PLEKHG1: variants seen among roughly 807,000 people sequenced by gnomAD.
PLEKHG1 encodes the protein pleckstrin homology and RhoGEF domain containing G1, also known as pleckstrin homology domain-containing family G member 1.
In PLEKHG1, 44 loss-of-function variants were observed where a neutral mutation model predicts 100.8. The ratio of observed to expected loss-of-function variants is 0.44; its 90% CI spans 0.34 to 0.56. PLEKHG1 has a LOEUF of 0.56. PLEKHG1 is among the 20% of genes least tolerant of loss of function. The pLI is 0.01. For missense variants in PLEKHG1, 1,545 were observed against 1,720.9 expected, an observed-to-expected ratio of 0.90 and a Z score of 1.81; for synonymous variants, 640 against 662.5, an observed-to-expected ratio of 0.97 and a Z score of 0.52.
At chr6:150,745,288 T>A (rs528243201) in intron 2 of PLEKHG1, among the ~76,000 whole-genome samples, 2 of 152,342 alleles carry the variant, frequency 1.3e-5, no homozygotes, top group South Asian at 4.1e-4. Flanking sequence ...AAATGCAGTA[T>A]TATAATCACA....
At chr6:150,629,790 A>G (rs1777669822) in intron 1 of PLEKHG1, among the ~76,000 whole-genome samples, 1 of 152,192 alleles carries the variant, frequency 6.6e-6, no homozygotes, top group South Asian at 2.1e-4. Context: ...TCTATACTTC[A>G]TAGATTTTCT....
chr6:150,599,951 C>T (rs981145493), exon 1 of PLEKHG1: 5 of 221,612 alleles, frequency 2.3e-5, no homozygotes, highest in African/African-American at 9.5e-5. Context: ...GCCGGCGCAG[C>T]GCAGCCCGCA....
chr6:150,608,082 T>C (rs1278415268), intron 1 of PLEKHG1, among the ~76,000 whole-genome samples: 2 of 152,150 alleles, frequency 1.3e-5, no homozygotes, highest in Non-Finnish European at 2.9e-5. Context: ...AGGAAAGAAA[T>C]GTGAAGATAA....
rs559192585 is a variant in PLEKHG1 at position 150,681,855 on chromosome 6, C to T, written c.-99+31069C>T. Among the ~76,000 whole-genome samples, 33 of 152,246 alleles carry T rather than the reference C, an allele frequency of 2.2e-4. 1 individual carries two copies. The highest frequency in any genetic ancestry group is 3.4e-4 in the African/African-American group (14 of 41,548). On this transcript the variant is annotated intron_variant, in intron 3 of 3. Transcript: ENST00000367326. The stretch of plus-strand genomic sequence containing the variant: ...CTCAATTTCTTTTTGGCCTTGAGTA[C>T]AGAATGGAATTTGCAGCCGCTGATG...
At chr6:150,738,539 A>G (rs572185395) in intron 2 of PLEKHG1, among the ~76,000 whole-genome samples, 2 of 152,278 alleles carry the variant, frequency 1.3e-5, no homozygotes, top group East Asian at 1.9e-4. Flanking sequence ...ATGTGGAGAC[A>G]TCGTATTAAA....
At chr6:150,745,823 C>T (rs1783131541) in intron 2 of PLEKHG1, among the ~76,000 whole-genome samples, 1 of 151,910 alleles carries the variant, frequency 6.6e-6, no homozygotes, top group Non-Finnish European at 1.5e-5. Flanking sequence ...TTAAGACATA[C>T]ATACATGCTA....
chr6:150,701,467 A>ATATAT (rs58601257), intron 3 of PLEKHG1, among the ~76,000 whole-genome samples: 4 of 79,090 alleles, frequency 5.1e-5, no homozygotes, highest in African/African-American at 1.3e-4. Flanking sequence ...ATATATATAT[A>ATATAT]ATTATACTTT....
chr6:150,835,421 C>A (rs560550117), intron 15 of PLEKHG1, among the ~76,000 whole-genome samples: 1 of 152,158 alleles, frequency 6.6e-6, no homozygotes, highest in South Asian at 2.1e-4. Flanking sequence ...TATTTTAATC[C>A]TCTGTCTGGA....
intron 4 of PLEKHG1, among the ~76,000 whole-genome samples, chr6:150,792,422 C>G (rs919334202): frequency 2.0e-5 from 3 of 150,652 alleles, no homozygotes; most frequent in Non-Finnish European, 4.4e-5. Flanking sequence ...ACCTGTAATC[C>G]CAACACTCTG....
At chr6:150,804,173 ATATT>A (rs1786890098) in intron 6 of PLEKHG1, among the ~76,000 whole-genome samples, 1 of 35,008 alleles carries the variant, frequency 2.9e-5, no homozygotes, top group African/African-American at 8.6e-5. Flanking sequence ...ATATATATAT[ATATT>A]TTTTTTTTTT....
intron 6 of PLEKHG1, among the ~76,000 whole-genome samples, chr6:150,801,854 G>A (rs1239649836): frequency 1.3e-5 from 2 of 151,360 alleles, no homozygotes; most frequent in African/African-American, 4.9e-5. Context: ...GCAGGAGAAA[G>A]ACAGTACAGC....
chr6:150,626,710 C>A (rs549444128), intron 1 of PLEKHG1, among the ~76,000 whole-genome samples: 51 of 152,258 alleles, frequency 3.3e-4, no homozygotes, highest in African/African-American at 1.1e-3. Flanking sequence ...CTCAAAGGCA[C>A]ACAAGCAATT....
chr6:150,669,028 A>G, intron 3 of PLEKHG1, among the ~76,000 whole-genome samples: 1 of 152,216 alleles, frequency 6.6e-6, no homozygotes, highest in East Asian at 1.9e-4. Flanking sequence ...CAGTTTAACT[A>G]GGGCCTTTTT....
At chr6:150,666,853 C>T (rs959443059) in intron 3 of PLEKHG1, among the ~76,000 whole-genome samples, 2 of 151,914 alleles carry the variant, frequency 1.3e-5, no homozygotes, top group Non-Finnish European at 2.9e-5. Context: ...CTCCGCCTCC[C>T]GGGTTCACAC....
At chr6:150,671,098 T>C (rs6916341) in intron 3 of PLEKHG1, among the ~76,000 whole-genome samples, 8 of 119,216 alleles carry the variant, frequency 6.7e-5, no homozygotes, top group African/African-American at 3.5e-4. Context: ...CATATATATA[T>C]ATATATATAT....
intron 1 of PLEKHG1, among the ~76,000 whole-genome samples, chr6:150,614,291 C>T (rs577559245): frequency 3.5e-4 from 54 of 152,184 alleles, no homozygotes; most frequent in Non-Finnish European, 6.8e-4. Flanking sequence ...CACCTCTCCT[C>T]CCCTTCTTGA....
At chr6:150,701,977 G>A (rs888133331) in intron 3 of PLEKHG1, among the ~76,000 whole-genome samples, 2 of 152,266 alleles carry the variant, frequency 1.3e-5, no homozygotes, top group South Asian at 2.1e-4. Context: ...GACTGAGATC[G>A]ACTGAAGTTA....
At chr6:150,619,733 T>A (rs1248566777) in intron 1 of PLEKHG1, among the ~76,000 whole-genome samples, 1 of 152,174 alleles carries the variant, frequency 6.6e-6, no homozygotes, top group Non-Finnish European at 1.5e-5. Flanking sequence ...CTTTAGCCAG[T>A]CATAAAAGAA....
At chr6:150,716,552 C>G (rs904066076), upstream of PLEKHG1, among the ~76,000 whole-genome samples, 1 of 152,166 alleles carries the variant, frequency 6.6e-6, no homozygotes, top group Non-Finnish European at 1.5e-5. Context: ...TGAGCTGTTG[C>G]CTGGCTGCAC....
Sources: gnomAD v4.1 joint callset for allele counts (sites outside exome capture counted in the v4.1 genomes callset) on GRCh38, gnomAD v4.1.1 for gene constraint, MANE v1.5 for transcripts, NCBI Gene and HGNC (gene_info 2026-07-23, HGNC 2026-07-21) for gene names.